The following WHRN variants were observed in gnomAD, a reference collection of about 807,000 sequenced individuals.
The protein encoded by WHRN is whirlin.
In WHRN, 41 loss-of-function variants were observed where a neutral mutation model predicts 68.3. The observed-to-expected ratio is 0.60, with a 90% CI of 0.47 to 0.78. The LOEUF (loss-of-function observed/expected upper bound fraction) is 0.78. Among genes scored for constraint, WHRN ranks in the 30% least tolerant of loss-of-function variants. The pLI is 0.00. For synonymous variants in WHRN, 560 were observed against 561.3 expected, an observed-to-expected ratio of 1.00 and a Z score of 0.03; for missense variants, 1,243 against 1,244.7, an observed-to-expected ratio of 1.00 and a Z score of 0.02.
chr9:114,477,227 C>T (rs1275957277), intron 2 of WHRN, among the ~76,000 whole-genome samples: 4 of 152,190 alleles, frequency 2.6e-5, no homozygotes, highest in Non-Finnish European at 4.4e-5. Flanking sequence ...ACAGTCTTAT[C>T]GACAGGAAAA....
intron 2 of WHRN, chr9:114,478,252 C>T: frequency 1.5e-6 from 1 of 650,288 alleles, no homozygotes; most frequent in Non-Finnish European, 2.8e-6. Context: ...CTCGTGACCG[C>T]ATTCCAGCCT....
rs1484152634 is a variant in WHRN at position 114,504,190 on chromosome 9, G to A, written c.612C>T (p.Ala204=). The change falls in exon 1 of 12, where the codon GCC becomes GCT. Residue 204 remains alanine (A), a synonymous_variant. Transcript: ENST00000362057. The part of the protein sequence containing the change: ...KSLARVTHAE[A]VKALKGSKKL... ...CTCCAAACCACAGCCTTACCTTGACGGCCTCCGCGTGGGTCACCCGGGCCA... is the reference window on the plus strand; with the variant it reads ...CTCCAAACCACAGCCTTACCTTGACAGCCTCCGCGTGGGTCACCCGGGCCA... 4 of 1,614,088 alleles carry A rather than the reference G, an allele frequency of 2.5e-6. No individual in the cohort carries two copies. The South Asian group carries it at 3.3e-5, about 13-fold the overall frequency.
Position 114,407,971 on chromosome 9 carries a change from G to C in WHRN, c.1674C>G (p.Ile558Met). 1.2e-6 allele frequency: 2 copies of C among 1,604,038 alleles called. No individual in the cohort carries two copies. Among genetic ancestry groups the C allele is most frequent in the South Asian group, 2.2e-5 (2 of 89,216 alleles). The change falls in exon 8 of 12, where the codon ATC becomes ATG. Residue 558 changes from isoleucine (I) to methionine (M), a missense_variant. Physicochemically the swap from Ile to Met is conservative, Grantham distance 10 (BLOSUM62 1). Coordinates refer to ENST00000362057, the MANE Select transcript of WHRN (RefSeq NM_015404.4). Reference sequence around the variant, plus strand: ...CCACGGACACATCTGGGAGGGCGTTGATATTGCCCTGGACAGCCTCGCCAG... The same window carrying C: ...CCACGGACACATCTGGGAGGGCGTTCATATTGCCCTGGACAGCCTCGCCAG... ...EETGEAVQGN[I>M]NALPDVSVDD...
Position 114,421,986 on chromosome 9 carries a change from A to G in WHRN, c.1626+1328T>C, listed in dbSNP as rs1448498356. 7.2e-5 allele frequency among the ~76,000 whole-genome samples: 11 copies of G among 152,214 alleles called. 1 individual carries two copies. The East Asian group carries it at 2.1e-3, about 29-fold the overall frequency. ...ATCACCCCCAGAAACCCAGAATCCC[A>G]GGGCTAAAGAAAAGCCACACTAGGA... On this transcript the variant is annotated intron_variant, in intron 7 of 11. Coordinates refer to ENST00000362057, the MANE Select transcript of WHRN (RefSeq NM_015404.4).
chr9:114,503,226 A>T, intron 1 of WHRN: 1 of 984,692 alleles, frequency 1.0e-6, no homozygotes, highest in Non-Finnish European at 1.2e-6. Flanking sequence ...GCTGGCGGGG[A>T]GTGGGGGTTT....
chr9:114,445,226 G>C (rs372275270), intron 3 of WHRN, among the ~76,000 whole-genome samples: 90 of 152,160 alleles, frequency 5.9e-4, no homozygotes, highest in African/African-American at 2.1e-3. Flanking sequence ...ATTTTTAGTA[G>C]AGATGGAGTT....
At chr9:114,486,953 GTGTGTGTATATATATATA>G (rs1842568959) in intron 1 of WHRN, among the ~76,000 whole-genome samples, 2 of 115,444 alleles carry the variant, frequency 1.7e-5, no homozygotes, top group African/African-American at 9.3e-5. Context: ...GTGTGTGTGT[GTGTGTGTATATATATATA>G]TATATATATA....
intron 1 of WHRN, among the ~76,000 whole-genome samples, chr9:114,492,092 T>G (rs1324020727): frequency 1.3e-5 from 2 of 151,584 alleles, no homozygotes; most frequent in Non-Finnish European, 2.9e-5. Flanking sequence ...TCTAACAGAT[T>G]GATAAAAATG....
At chr9:114,439,774 T>A (rs554066161) in intron 3 of WHRN, among the ~76,000 whole-genome samples, 1 of 152,280 alleles carries the variant, frequency 6.6e-6, no homozygotes, top group East Asian at 1.9e-4. Context: ...TTTTGGAGAT[T>A]TGTGACAATT....
At chr9:114,421,978 A>G (rs1395019421) in intron 7 of WHRN, among the ~76,000 whole-genome samples, 1 of 152,202 alleles carries the variant, frequency 6.6e-6, no homozygotes, top group East Asian at 1.9e-4. Context: ...CCAGAAACCC[A>G]GAATCCCAGG....
chr9:114,504,506 G>T lies in WHRN; in HGVS notation c.296C>A (p.Pro99Gln). 6.2e-7 allele frequency: 1 copy of T among 1,609,388 alleles called. No homozygotes were observed. The highest frequency in any genetic ancestry group is 8.5e-7 in the Non-Finnish European group (1 of 1,179,808). The change falls in exon 1 of 12, where the codon CCG becomes CAG. Residue 99 changes from proline to glutamine, a missense_variant. Coordinates refer to ENST00000362057, the MANE Select transcript of WHRN (RefSeq NM_015404.4). ...GTCGAAGAGCAGCTGGTCGGAGCGCGGGATGACCAGACGAAGCATGGGCAG... is the reference window on the plus strand; with the variant it reads ...GTCGAAGAGCAGCTGGTCGGAGCGCTGGATGACCAGACGAAGCATGGGCAG... ...RLLPMLRLVI[P>Q]RSDQLLFDQY... is the part of the protein sequence containing the mutation.
intron 3 of WHRN, among the ~76,000 whole-genome samples, chr9:114,444,179 T>C (rs1838626872): frequency 6.6e-6 from 1 of 152,210 alleles, no homozygotes; most frequent in Non-Finnish European, 1.5e-5. Context: ...TAGTGGGGCA[T>C]CTGGCACTTC....
chr9:114,466,670 C>T (rs1589201289), intron 2 of WHRN, among the ~76,000 whole-genome samples: 1 of 152,116 alleles, frequency 6.6e-6, no homozygotes, highest in Non-Finnish European at 1.5e-5. Flanking sequence ...CCTCCGGGAT[C>T]CCCTCAGGGC....
At chr9:114,479,716 A>C (rs550658134) in intron 1 of WHRN, among the ~76,000 whole-genome samples, 2 of 152,318 alleles carry the variant, frequency 1.3e-5, no homozygotes, top group Non-Finnish European at 2.9e-5. Flanking sequence ...GGAGGATCTC[A>C]TTTGTCAGAT....
chr9:114,480,963 T>C (rs1842051053), intron 1 of WHRN, among the ~76,000 whole-genome samples: 2 of 152,178 alleles, frequency 1.3e-5, no homozygotes, highest in African/African-American at 4.8e-5. Context: ...GCTCTTCCTG[T>C]TTCTCAATAT....
chr9:114,427,778 T>C (rs1010207187), intron 3 of WHRN, among the ~76,000 whole-genome samples: 1 of 140,804 alleles, frequency 7.1e-6, no homozygotes, highest in African/African-American at 2.6e-5. Flanking sequence ...GCACCGGCTT[T>C]GACACTCAGG....
rs529176890 is a variant in WHRN at position 114,402,703 on chromosome 9, G to A, written c.*51C>T. On this transcript the variant is annotated 3_prime_UTR_variant, in exon 12 of 12. Coordinates refer to ENST00000362057, the MANE Select transcript of WHRN (RefSeq NM_015404.4). ...GCTTGATGAAGCCAACGGTGGAAAGGGACTGGGACCAGGGGCTGGGCAGTG... is the reference window on the plus strand; with the variant it reads ...GCTTGATGAAGCCAACGGTGGAAAGAGACTGGGACCAGGGGCTGGGCAGTG... 1,606 of 1,610,010 alleles carry A rather than the reference G, an allele frequency of 1.0e-3. 22 individuals carry two copies. The South Asian group carries it at 0.017, about 17-fold the overall frequency.
At chr9:114,487,213 A>C (rs1304210260) in intron 1 of WHRN, among the ~76,000 whole-genome samples, 2 of 150,332 alleles carry the variant, frequency 1.3e-5, no homozygotes, top group Admixed American at 6.6e-5. Flanking sequence ...TTGTCTAACA[A>C]GAAATTCTGG....
At chr9:114,483,538 G>A (rs1354639898) in intron 1 of WHRN, among the ~76,000 whole-genome samples, 2 of 152,168 alleles carry the variant, frequency 1.3e-5, no homozygotes, top group Non-Finnish European at 2.9e-5. Flanking sequence ...CTTGATCCCT[G>A]AGGCTCAGGC....
Sources: gnomAD v4.1 joint callset for allele counts (sites outside exome capture counted in the v4.1 genomes callset) on GRCh38, gnomAD v4.1.1 for gene constraint, MANE v1.5 for transcripts, NCBI Gene and HGNC (gene_info 2026-07-23, HGNC 2026-07-21) for gene names.